Variants in NXPE2 observed in about 807,000 individuals in gnomAD.
The protein encoded by NXPE2 is neurexophilin and PC-esterase domain family member 2.
In NXPE2, 34 loss-of-function variants were observed where a neutral mutation model predicts 34.4. That is an observed-to-expected ratio of 0.99 (90% confidence interval 0.75 to 1.31). The LOEUF is 1.31. Among genes scored for constraint, NXPE2 ranks in the 40% most tolerant of loss-of-function variants. The pLI is 0.00. For synonymous variants in NXPE2, 235 were observed against 231.3 expected, an observed-to-expected ratio of 1.02 and a Z score of -0.15; for missense variants, 649 against 672.5, an observed-to-expected ratio of 0.97 and a Z score of 0.39.
the NXPE2 span, among the ~76,000 whole-genome samples, chr11:114,490,132 A>G: frequency 6.6e-6 from 1 of 152,226 alleles, no homozygotes; most frequent in Admixed American, 6.5e-5. Context: ...TAAAATACCT[A>G]GGAATCCAAC....
chr11:114,607,863 G>C, the NXPE2 span, among the ~76,000 whole-genome samples: 1 of 151,794 alleles, frequency 6.6e-6, no homozygotes, highest in Non-Finnish European at 1.5e-5. Context: ...GGTAACCACT[G>C]TTACCTGGTG....
At chr11:114,769,318 C>T in the NXPE2 span, among the ~76,000 whole-genome samples, 3 of 152,112 alleles carry the variant, frequency 2.0e-5, no homozygotes, top group Non-Finnish European at 4.4e-5. Context: ...ACAACAGATG[C>T]TGGAGAGGAT....
the NXPE2 span, among the ~76,000 whole-genome samples, chr11:114,534,426 C>G: frequency 6.6e-6 from 1 of 152,202 alleles, no homozygotes; most frequent in Admixed American, 6.5e-5. Context: ...CAGAACAAAG[C>G]TGGACGGAGA....
At chr11:114,648,072 G>C in the NXPE2 span, among the ~76,000 whole-genome samples, 1 of 152,242 alleles carries the variant, frequency 6.6e-6, no homozygotes, top group Non-Finnish European at 1.5e-5. Flanking sequence ...CATATATTGA[G>C]TCTTTGCCCT....
At chr11:114,776,254 G>A in the NXPE2 span, among the ~76,000 whole-genome samples, 9 of 152,358 alleles carry the variant, frequency 5.9e-5, no homozygotes, top group East Asian at 1.9e-4. Flanking sequence ...GAGGAGCAAG[G>A]TCCCAGGCAT....
chr11:114,738,680 A>G, the NXPE2 span, among the ~76,000 whole-genome samples: 2 of 152,166 alleles, frequency 1.3e-5, no homozygotes, highest in Non-Finnish European at 2.9e-5. Flanking sequence ...TAATGAATGT[A>G]CCCATTCCTC....
the NXPE2 span, among the ~76,000 whole-genome samples, chr11:114,535,892 G>A: frequency 1.3e-5 from 2 of 152,126 alleles, no homozygotes; most frequent in Non-Finnish European, 2.9e-5. Context: ...AAGTTAACAA[G>A]GATATACAGG....
the NXPE2 span, among the ~76,000 whole-genome samples, chr11:114,478,824 ATAT>A: frequency 1.3e-5 from 2 of 152,218 alleles, no homozygotes; most frequent in Non-Finnish European, 2.9e-5. Flanking sequence ...ATGCCAATGA[ATAT>A]TAAATGTCAG....
At chr11:114,497,411 A>G in the NXPE2 span, among the ~76,000 whole-genome samples, 5 of 152,224 alleles carry the variant, frequency 3.3e-5, no homozygotes, top group African/African-American at 1.2e-4. Context: ...AGCAACTTCC[A>G]GTCCTGCAAG....
chr11:114,466,436 G>GT, the NXPE2 span, among the ~76,000 whole-genome samples: 1 of 152,152 alleles, frequency 6.6e-6, no homozygotes, highest in Non-Finnish European at 1.5e-5. Context: ...GTAAGAGAGT[G>GT]CCTGTTTCCT....
the NXPE2 span, among the ~76,000 whole-genome samples, chr11:114,537,945 T>C: frequency 1.3e-5 from 2 of 152,134 alleles, no homozygotes; most frequent in Non-Finnish European, 2.9e-5. Flanking sequence ...AAAGTTCATA[T>C]GGAACCAAAA....
At chr11:114,557,645 A>G in the NXPE2 span, among the ~76,000 whole-genome samples, 1 of 39,344 alleles carries the variant, frequency 2.5e-5, no homozygotes, top group Non-Finnish European at 4.0e-5. Flanking sequence ...ATATATATAT[A>G]TATATATATA....
chr11:114,524,627 A>G, the NXPE2 span, among the ~76,000 whole-genome samples: 1 of 152,226 alleles, frequency 6.6e-6, no homozygotes, highest in Non-Finnish European at 1.5e-5. Flanking sequence ...GAATACCATG[A>G]CCCTGGAAAC....
chr11:114,613,735 G>T, the NXPE2 span, among the ~76,000 whole-genome samples: 1 of 152,058 alleles, frequency 6.6e-6, no homozygotes, highest in East Asian at 1.9e-4. Context: ...TTGTCTCATG[G>T]GGAACCACTG....
At chr11:114,505,775 A>G in the NXPE2 span, among the ~76,000 whole-genome samples, 1 of 152,188 alleles carries the variant, frequency 6.6e-6, no homozygotes, top group Non-Finnish European at 1.5e-5. Context: ...AACACACTGA[A>G]GTACACAGAG....
the NXPE2 span, chr11:114,521,609 A>C: frequency 1.1e-5 from 2 of 182,822 alleles, no homozygotes; most frequent in Admixed American, 1.1e-4. Flanking sequence ...CTAATGGGTT[A>C]TCATTGCTCC....
the NXPE2 span, among the ~76,000 whole-genome samples, chr11:114,494,198 C>T: frequency 3.9e-5 from 6 of 152,122 alleles, no homozygotes; most frequent in African/African-American, 9.7e-5. Flanking sequence ...ATTAAATCTG[C>T]GTGATATCTT....
At chr11:114,522,163 C>T in the NXPE2 span, 26 of 1,613,894 alleles carry the variant, frequency 1.6e-5, no homozygotes, top group Non-Finnish European at 2.2e-5. Context: ...TCTCTATGTG[C>T]ATCTCCCTGA....
the NXPE2 span, among the ~76,000 whole-genome samples, chr11:114,533,516 C>G: frequency 3.1e-4 from 47 of 152,300 alleles, no homozygotes; most frequent in African/African-American, 1.1e-3. Context: ...CACAAGCGGT[C>G]AGGGAATTTC....
Sources: allele counts gnomAD v4.1 joint callset (sites outside exome capture counted in the v4.1 genomes callset), GRCh38; gene constraint gnomAD v4.1.1; transcripts MANE v1.5; gene names NCBI Gene and HGNC (gene_info 2026-07-23, HGNC 2026-07-21).